DLC1: variants seen among roughly 807,000 people sequenced by gnomAD.
DLC1 encodes the protein rho GTPase-activating protein 7.
A neutral mutation model predicts 140.3 loss-of-function variants in DLC1; 54 were observed. The ratio of observed to expected loss-of-function variants is 0.38; its 90% CI spans 0.31 to 0.48. The LOEUF is 0.48. Among genes scored for constraint, DLC1 ranks in the 20% least tolerant of loss-of-function variants. The probability of loss-of-function intolerance (pLI) is 0.96; values close to 1 mark genes in which losing one functional copy is unlikely to be tolerated. For synonymous variants in DLC1, 986 were observed against 728.1 expected, an observed-to-expected ratio of 1.35 and a Z score of -5.70; for missense variants, 2,536 against 1,907.0, an observed-to-expected ratio of 1.33 and a Z score of -6.14.
intron 5 of DLC1, among the ~76,000 whole-genome samples, chr8:13,168,633 G>A (rs1825257217): frequency 6.6e-6 from 1 of 152,190 alleles, no homozygotes; most frequent in Non-Finnish European, 1.5e-5. Flanking sequence ...GTTCTGAGAT[G>A]GAAATAAACT....
intron 1 of DLC1, among the ~76,000 whole-genome samples, chr8:13,541,181 A>G (rs1414021491): frequency 2.0e-5 from 3 of 152,136 alleles, no homozygotes; most frequent in Non-Finnish European, 4.4e-5. Flanking sequence ...GTCTACCACA[A>G]CCTGTTTATA....
chr8:13,508,961 A>G, intron 1 of DLC1, among the ~76,000 whole-genome samples: 1 of 152,106 alleles, frequency 6.6e-6, no homozygotes, highest in East Asian at 1.9e-4. Context: ...CTTTCCTCTG[A>G]TCTTGTTTCA....
At chr8:13,133,267 C>T in intron 5 of DLC1, 1 of 1,334,638 alleles carries the variant, frequency 7.5e-7, no homozygotes, top group Non-Finnish European at 9.6e-7. Flanking sequence ...GAAGCGCCCT[C>T]GCTCGGGCAG....
chr8:13,393,728 T>G, intron 3 of DLC1, 35 bp from the exon 4 acceptor site: 3 of 1,590,988 alleles, frequency 1.9e-6, no homozygotes, highest in Non-Finnish European at 2.6e-6. Context: ...ATGAAGGACA[T>G]GTGAATGTTC....
In DLC1 at chr8:13,212,803, C is replaced by T. The variant is rs999044048; in HGVS notation, c.1348+92466G>A. Among the ~76,000 whole-genome samples the T allele has an allele frequency of 8.5e-5, 13 of 152,154 alleles. No individual in the cohort carries two copies. In the East Asian group the frequency reaches 1.9e-3, roughly 23 times the overall value. ...AAGCATTTTCAATATCACCATATAA[C>T]AGCTTGGGAGGCAGACAGGTCTGAA... On this transcript the variant is annotated intron_variant, in intron 5 of 17. Transcript: ENST00000276297.
chr8:13,471,161 G>A (rs574181131), intron 2 of DLC1, among the ~76,000 whole-genome samples: 5 of 151,996 alleles, frequency 3.3e-5, no homozygotes, highest in Non-Finnish European at 5.9e-5. Context: ...GGGAGAAATG[G>A]GGAGGCACTG....
rs114861502 is a variant in DLC1 at position 13,470,281 on chromosome 8, A to G, written c.1023+28768T>C. Among the ~76,000 whole-genome samples, 627 of 152,334 alleles carry G rather than the reference A, an allele frequency of 4.1e-3. 8 individuals carry two copies. Among genetic ancestry groups the G allele is most frequent in the African/African-American group, 0.015 (608 of 41,578 alleles). On this transcript the variant is annotated intron_variant, in intron 2 of 17. Coordinates refer to ENST00000276297, the MANE Select transcript of DLC1 (RefSeq NM_182643.3). ...TTTAAGCACAATGTACTAGCTAACT[A>G]TAACAGATTGGGAGAAAATACTTGC...
rs75958594 is a variant in DLC1, at chr8:13,310,120, A to T, written c.1315-4818T>A. Among the ~76,000 whole-genome samples the T allele has an allele frequency of 4.4e-3, 669 of 152,284 alleles. 2 individuals are homozygous for T. Among genetic ancestry groups the T allele is most frequent in the African/African-American group, 0.016 (646 of 41,568 alleles). ...TCAAACAACTGGCAGCTATGATACT[A>T]TGTAAGTTCTCCTATGTTCCATGAA... On this transcript the variant is annotated intron_variant, in intron 4 of 17. Transcript: ENST00000276297.
chr8:13,446,807 T>TG (rs1465086321), intron 2 of DLC1, among the ~76,000 whole-genome samples: 1 of 151,834 alleles, frequency 6.6e-6, no homozygotes, highest in Non-Finnish European at 1.5e-5. Flanking sequence ...CCAGGCGTGG[T>TG]GGTGGGTGCC....
chr8:13,517,962 G>T (rs1802643679), upstream of DLC1, among the ~76,000 whole-genome samples: 1 of 152,024 alleles, frequency 6.6e-6, no homozygotes, highest in African/African-American at 2.4e-5. Flanking sequence ...GGTATTTTTA[G>T]AATCTTTCTC....
At chr8:13,439,175 T>C (rs1220729537) in intron 2 of DLC1, among the ~76,000 whole-genome samples, 2 of 151,996 alleles carry the variant, frequency 1.3e-5, no homozygotes, top group Non-Finnish European at 2.9e-5. Flanking sequence ...AATACAAAAA[T>C]TAGTTGGGCG....
At chr8:13,322,901 G>A (rs1729135) in intron 4 of DLC1, among the ~76,000 whole-genome samples, 129,688 of 152,108 alleles carry the variant, frequency 0.85, 55,753 homozygotes, top group East Asian at 0.95. Context: ...TATTCCATAA[G>A]GCACTGCAGA....
chr8:13,368,932 CCCTG>C (rs1202535039), intron 4 of DLC1, among the ~76,000 whole-genome samples: 14 of 151,990 alleles, frequency 9.2e-5, no homozygotes, highest in African/African-American at 2.9e-4. Flanking sequence ...CAAGCAATTC[CCCTG>C]CCTCAGCCTC....
chr8:13,598,351 G>A lies in DLC1; in HGVS notation c.-126+6186C>T, dbSNP rs1051118321. On this transcript the variant is annotated intron_variant, in intron 1 of 1. Transcript: ENST00000631382. ...TGGGACAGGGAGGAAACACAACAAG[G>A]GTGTCTCTACCTGTCTCTGTGGGGA... Among the ~76,000 whole-genome samples, 3 of 151,422 alleles carry A rather than the reference G, an allele frequency of 2.0e-5. 1 individual carries two copies. The highest frequency in any genetic ancestry group is 2.0e-4 in the Admixed American group (3 of 15,230).
intron 13 of DLC1, among the ~76,000 whole-genome samples, chr8:13,091,899 C>A (rs1818106904): frequency 6.6e-6 from 1 of 152,188 alleles, no homozygotes; most frequent in Non-Finnish European, 1.5e-5. Flanking sequence ...CTCCTCTACT[C>A]ATCTCTAGCT....
intron 2 of DLC1, among the ~76,000 whole-genome samples, chr8:13,454,684 A>G (rs1044638105): frequency 3.9e-5 from 6 of 152,126 alleles, no homozygotes; most frequent in East Asian, 1.9e-4. Context: ...CTGGCCAAGT[A>G]GCTGGAACTA....
Position 13,567,504 on chromosome 8 carries a change from A to G in DLC1, c.-126+37033T>C, listed in dbSNP as rs1459796477. ...CCTTTAGTTGTACTGTACCCGATGA[A>G]CTTTTGAACAGAATCTACTTTAAAA... On this transcript the variant is annotated intron_variant, in intron 1 of 1. Transcript: ENST00000631382. 4 of 1,552,100 alleles carry G rather than the reference A, an allele frequency of 2.6e-6. No homozygotes were observed. In the South Asian group the frequency reaches 3.6e-5, roughly 14 times the overall value.
intron 4 of DLC1, among the ~76,000 whole-genome samples, chr8:13,324,114 A>T (rs1483115513): frequency 6.6e-6 from 1 of 152,208 alleles, no homozygotes; most frequent in Non-Finnish European, 1.5e-5. Context: ...TGCATCAGAA[A>T]GAGATCTGAA....
intron 1 of DLC1, among the ~76,000 whole-genome samples, chr8:13,559,682 G>A (rs945570205): frequency 1.3e-5 from 2 of 152,164 alleles, no homozygotes; most frequent in Non-Finnish European, 2.9e-5. Context: ...GTAGTTTTCA[G>A]GAAAATCGTT....
Sources: gnomAD v4.1 joint callset for allele counts (sites outside exome capture counted in the v4.1 genomes callset) on GRCh38, gnomAD v4.1.1 for gene constraint, MANE v1.5 for transcripts, NCBI Gene and HGNC (gene_info 2026-07-23, HGNC 2026-07-21) for gene names.